TENM3: variants seen among roughly 807,000 people sequenced by gnomAD.
TENM3 encodes teneurin transmembrane protein 3.
A neutral mutation model predicts 255.1 loss-of-function variants in TENM3; 63 were observed. That is an observed-to-expected ratio of 0.25 (90% CI 0.20 to 0.30). The LOEUF (loss-of-function observed/expected upper bound fraction) is 0.30, where lower values mean the gene tolerates loss of function less well. Among genes scored for constraint, TENM3 ranks in the 10% least tolerant of loss-of-function variants. TENM3 has a pLI of 1.00. For missense variants in TENM3, 2,929 were observed against 3,461.1 expected, an observed-to-expected ratio of 0.85 and a Z score of 3.86; for synonymous variants, 1,306 against 1,322.3, an observed-to-expected ratio of 0.99 and a Z score of 0.27.
chr4:181,604,000 C>A, the TENM3 span, among the ~76,000 whole-genome samples: 2,252 of 152,214 alleles, frequency 0.015, 37 homozygotes, highest in South Asian at 0.065. Context: ...CGCGGTGGCT[C>A]ACGCCTGTAA....
At chr4:181,645,082 T>C in the TENM3 span, among the ~76,000 whole-genome samples, 3 of 152,182 alleles carry the variant, frequency 2.0e-5, no homozygotes, top group Non-Finnish European at 2.9e-5. Flanking sequence ...CAAAAATTGG[T>C]GAATGATGTG....
chr4:181,852,221 G>T, the TENM3 span, among the ~76,000 whole-genome samples: 49 of 152,314 alleles, frequency 3.2e-4, no homozygotes, highest in Admixed American at 9.8e-4. Context: ...GGTGATGTGT[G>T]GACACCTGAT....
rs1006918380 is a variant in TENM3, at chr4:182,346,858, T to A, written c.440T>A (p.Leu147Gln). The part of the protein sequence containing the change: ...RGVKSGRSSC[L>Q]SSRSNSALTL... Reference sequence around the variant, plus strand: ...GTCAAATCAGGCCGCAGCTCCTGCCTGTCAAGTCGGTCCAACTCAGCCCTC... The same window carrying A: ...GTCAAATCAGGCCGCAGCTCCTGCCAGTCAAGTCGGTCCAACTCAGCCCTC... Residue 147 changes from leucine (L) to glutamine (Q), a missense_variant, in exon 3 of 28, where the codon CTG becomes CAG. This residue lies in a region of TENM3 where 283 missense variants were observed against 256.9 expected (regional missense o/e 1.10). Coordinates refer to ENST00000511685, the MANE Select transcript of TENM3 (RefSeq NM_001080477.4). 12 of 1,613,302 alleles carry A rather than the reference T, an allele frequency of 7.4e-6. No individual in the cohort carries two copies. In the African/African-American group the frequency reaches 9.4e-5, roughly 13 times the overall value.
rs78012342 is a variant in TENM3, at chr4:182,633,542, A to G, written c.988+4653A>G. Among the ~76,000 whole-genome samples, 1,264 of 152,342 alleles carry G rather than the reference A, an allele frequency of 8.3e-3. 16 individuals carry two copies. The highest frequency in any genetic ancestry group is 0.029 in the African/African-American group (1,197 of 41,588). On this transcript the variant is annotated intron_variant, in intron 5 of 27. Transcript: ENST00000511685. ...CTGGAGCTTTGTTCACCTCACGCCA[A>G]TGGCTAGTGAGAAAATCACCTTGAG...
the TENM3 span, among the ~76,000 whole-genome samples, chr4:181,664,750 T>C: frequency 2.6e-5 from 4 of 152,126 alleles, no homozygotes; most frequent in African/African-American, 9.7e-5. Context: ...GTGATGTCCA[T>C]GGCTTTCTCC....
the TENM3 span, among the ~76,000 whole-genome samples, chr4:181,706,429 G>C: frequency 2.0e-5 from 3 of 152,086 alleles, no homozygotes; most frequent in Non-Finnish European, 2.9e-5. Context: ...TCCATAGACT[G>C]GTTGTGACTG....
intron 3 of TENM3, among the ~76,000 whole-genome samples, chr4:182,468,113 C>G (rs1240753477): frequency 6.6e-6 from 1 of 152,040 alleles, no homozygotes. Flanking sequence ...TAGGCCGGGC[C>G]TGGTGGCTCA....
chr4:181,522,790 C>A, the TENM3 span: 1 of 816,008 alleles, frequency 1.2e-6, no homozygotes, highest in South Asian at 1.3e-5. Flanking sequence ...GATCTGGATC[C>A]TGGTCAAACT....
At chr4:182,232,158 C>A (rs1351036500) in intron 1 of TENM3, among the ~76,000 whole-genome samples, 1 of 152,258 alleles carries the variant, frequency 6.6e-6, no homozygotes, top group African/African-American at 2.4e-5. Flanking sequence ...ATTCCGGGAA[C>A]TGGCGTCTTC....
chr4:182,594,253 C>T (rs1042948404), intron 3 of TENM3, among the ~76,000 whole-genome samples: 2 of 152,136 alleles, frequency 1.3e-5, no homozygotes, highest in African/African-American at 4.8e-5. Flanking sequence ...AATCTTCCTG[C>T]CTCAACCTCC....
intron 13 of TENM3, among the ~76,000 whole-genome samples, chr4:182,716,350 T>C (rs1275716944): frequency 6.6e-6 from 1 of 152,174 alleles, no homozygotes; most frequent in Non-Finnish European, 1.5e-5. Flanking sequence ...TTTTTCCTTT[T>C]CCTCAAAATT....
intron 3 of TENM3, among the ~76,000 whole-genome samples, chr4:182,580,841 T>C (rs1745420888): frequency 6.6e-6 from 1 of 152,242 alleles, no homozygotes; most frequent in African/African-American, 2.4e-5. Context: ...TTGTCATTTT[T>C]ATGTGTGCAG....
the TENM3 span, among the ~76,000 whole-genome samples, chr4:182,133,294 G>A: frequency 4.6e-5 from 7 of 152,112 alleles, no homozygotes; most frequent in Non-Finnish European, 7.4e-5. Flanking sequence ...AAGGGCTTTC[G>A]GCATGAGCAA....
At chr4:182,161,359 T>C (rs1235498191) in intron 1 of TENM3, among the ~76,000 whole-genome samples, 5 of 116,254 alleles carry the variant, frequency 4.3e-5, no homozygotes, top group African/African-American at 1.7e-4. Flanking sequence ...AAGCTTGCAG[T>C]GAGCCGAGAT....
the TENM3 span, among the ~76,000 whole-genome samples, chr4:182,102,163 A>G: frequency 1.2e-4 from 19 of 152,272 alleles, no homozygotes; most frequent in African/African-American, 4.3e-4. Context: ...CCAGATGTGT[A>G]AGGGAATCGC....
intron 3 of TENM3, among the ~76,000 whole-genome samples, chr4:182,493,143 T>C (rs1735459349): frequency 6.6e-6 from 1 of 152,180 alleles, no homozygotes; most frequent in Non-Finnish European, 1.5e-5. Context: ...ATCAACTTTC[T>C]ACTCTTGTGG....
At chr4:182,665,556 G>C (rs552053842) in intron 6 of TENM3, among the ~76,000 whole-genome samples, 1 of 152,002 alleles carries the variant, frequency 6.6e-6, no homozygotes, top group Non-Finnish European at 1.5e-5. Context: ...GGCTATCATA[G>C]ATAGATAGTG....
intron 18 of TENM3, among the ~76,000 whole-genome samples, chr4:182,738,945 A>G (rs866322168): frequency 1.4e-4 from 12 of 85,600 alleles, no homozygotes; most frequent in Middle Eastern, 9.6e-3. Flanking sequence ...GGGAGGGGGG[A>G]TTTGTTTTTT....
chr4:181,715,770 G>T, the TENM3 span, among the ~76,000 whole-genome samples: 3 of 152,190 alleles, frequency 2.0e-5, no homozygotes, highest in Non-Finnish European at 4.4e-5. Flanking sequence ...TGCCCTAGTG[G>T]GCAGTACCAA....
Sources: allele counts gnomAD v4.1 joint callset (sites outside exome capture counted in the v4.1 genomes callset), GRCh38; gene constraint gnomAD v4.1.1; regional missense constraint gnomAD v4.1.1; transcripts MANE v1.5; gene names NCBI Gene and HGNC (gene_info 2026-07-23, HGNC 2026-07-21).